ADAD1: variants seen among roughly 807,000 people sequenced by gnomAD.
The protein encoded by ADAD1 is adenosine deaminase domain-containing protein 1.
A neutral mutation model predicts 66.8 loss-of-function variants in ADAD1; 46 were observed. The observed-to-expected ratio is 0.69, with a 90% CI of 0.54 to 0.88. The LOEUF is 0.88. ADAD1 is among the 40% of genes least tolerant of loss of function. The probability of loss-of-function intolerance (pLI) is 0.00; values close to 1 mark genes in which losing one functional copy is unlikely to be tolerated. For missense variants in ADAD1, 617 were observed against 681.8 expected (o/e 0.91, Z 1.06); for synonymous variants, 248 against 229.4 (o/e 1.08, Z -0.73).
chr4:122,389,415 G>T (rs1795331673), intron 5 of ADAD1, among the ~76,000 whole-genome samples: 1 of 152,172 alleles, frequency 6.6e-6, no homozygotes, highest in Non-Finnish European at 1.5e-5. Context: ...GAATATGCTT[G>T]TTAATTATCT....
rs28716815 is a variant in ADAD1 at position 122,398,086 on chromosome 4, C to G, written c.724+1709C>G. 7.2e-3 allele frequency among the ~76,000 whole-genome samples: 1,092 copies of G among 152,008 alleles called. 9 individuals carry two copies. The highest frequency in any genetic ancestry group is 0.025 in the African/African-American group (1,037 of 41,430). On this transcript the variant is annotated intron_variant, in intron 7 of 12. Coordinates refer to ENST00000296513, the MANE Select transcript of ADAD1 (RefSeq NM_139243.4). ...GGCGATTTCTGAGATTTTGGTGCAC[C>G]CATGACACAAGCAGTCTATGCTGTA...
chr4:122,384,231 A>G (rs971277667), intron 5 of ADAD1, among the ~76,000 whole-genome samples: 4 of 152,234 alleles, frequency 2.6e-5, no homozygotes, highest in African/African-American at 7.2e-5. Flanking sequence ...GTCCTAAAAT[A>G]TAGTTTTCTT....
chr4:122,405,105 A>G (rs1391379879), intron 7 of ADAD1, among the ~76,000 whole-genome samples: 3 of 152,218 alleles, frequency 2.0e-5, no homozygotes, highest in Admixed American at 1.3e-4. Context: ...ATATAATTCT[A>G]TTTAAGGGAA....
At chr4:122,420,145 A>C (rs1013487294) in intron 11 of ADAD1, among the ~76,000 whole-genome samples, 1 of 152,228 alleles carries the variant, frequency 6.6e-6, no homozygotes, top group Non-Finnish European at 1.5e-5. Context: ...CACTGCAACA[A>C]AAGTGTCATG....
At chr4:122,387,904 C>T (rs1028244032) in intron 5 of ADAD1, among the ~76,000 whole-genome samples, 1 of 151,884 alleles carries the variant, frequency 6.6e-6, no homozygotes, top group Non-Finnish European at 1.5e-5. Context: ...GGACTACAGG[C>T]ACCTGCCACC....
At chr4:122,410,042 A>C (rs914220688) in intron 8 of ADAD1, among the ~76,000 whole-genome samples, 1 of 152,202 alleles carries the variant, frequency 6.6e-6, no homozygotes, top group African/African-American at 2.4e-5. Flanking sequence ...ATTCAGCTTC[A>C]ACAGTTATTA....
At chr4:122,427,904 C>A (rs1361884696) in intron 12 of ADAD1, among the ~76,000 whole-genome samples, 2 of 152,040 alleles carry the variant, frequency 1.3e-5, no homozygotes, top group African/African-American at 4.8e-5. Context: ...TCAAAACTTA[C>A]AATAAGGCTA....
At chr4:122,384,042 A>G in intron 5 of ADAD1, 76 bp downstream of exon 5, 2 of 1,317,448 alleles carry the variant, frequency 1.5e-6, no homozygotes, top group Non-Finnish European at 2.1e-6. Context: ...ATTTATGTTA[A>G]TGAGAGTTAC....
intron 6 of ADAD1, among the ~76,000 whole-genome samples, chr4:122,395,073 G>A (rs1247157456): frequency 6.6e-6 from 1 of 151,976 alleles, no homozygotes; most frequent in Non-Finnish European, 1.5e-5. Context: ...TATTTGAGGT[G>A]GAGTTTTGCT....
chr4:122,426,308 C>CA (rs1190651105), intron 12 of ADAD1, among the ~76,000 whole-genome samples: 3 of 152,020 alleles, frequency 2.0e-5, no homozygotes, highest in African/African-American at 7.2e-5. Flanking sequence ...ATAGAATATC[C>CA]AAATAGAACT....
intron 10 of ADAD1, 50 bp downstream of exon 10, chr4:122,412,859 C>G (rs757988864): frequency 6.8e-7 from 1 of 1,471,420 alleles, no homozygotes; most frequent in East Asian, 2.3e-5. Context: ...TAAGCAAATT[C>G]TCTGTATTTT....
At chr4:122,409,580 A>G (rs1240653356) in intron 8 of ADAD1, among the ~76,000 whole-genome samples, 1 of 152,102 alleles carries the variant, frequency 6.6e-6, no homozygotes, top group African/African-American at 2.4e-5. Context: ...TAAATTATTG[A>G]CTATTGTCAT....
intron 11 of ADAD1, among the ~76,000 whole-genome samples, chr4:122,415,930 A>G (rs1337724573): frequency 1.3e-5 from 2 of 152,140 alleles, no homozygotes; most frequent in Non-Finnish European, 2.9e-5. Flanking sequence ...CTGTAATTTC[A>G]TATCATTAGT....
intron 6 of ADAD1, among the ~76,000 whole-genome samples, chr4:122,395,450 A>G (rs1403060158): frequency 2.0e-5 from 3 of 152,018 alleles, no homozygotes; most frequent in Admixed American, 6.5e-5. Context: ...TGTGAGGCCA[A>G]GGCGGGTGGA....
Position 122,396,347 on chromosome 4 carries a change from A to T in ADAD1, c.694A>T (p.Ser232Cys). 1 of 1,594,834 alleles carries T rather than the reference A, an allele frequency of 6.3e-7. No homozygotes were observed. Among genetic ancestry groups the T allele is most frequent in the Admixed American group, 1.8e-5 (1 of 56,934 alleles). Residue 232 changes from serine to cysteine, a missense_variant, in exon 7 of 13, where the codon AGT (serine) becomes TGT (cysteine). Transcript: ENST00000296513. ...SNRSEYLKYSSSLAAFIIERA... is the reference protein window; with the variant it reads ...SNRSEYLKYSCSLAAFIIERA... ...TCGTTCAGAATACCTGAAATATAGC[A>T]GTTCATTGGCTGCTTTTATAATTGA...
At chr4:122,401,666 T>G (rs1795985202) in intron 7 of ADAD1, among the ~76,000 whole-genome samples, 1 of 152,160 alleles carries the variant, frequency 6.6e-6, no homozygotes, top group Non-Finnish European at 1.5e-5. Context: ...TTTATAAATT[T>G]GTGAGCTCCA....
chr4:122,421,991 T>TTA (rs1331574609), intron 12 of ADAD1, among the ~76,000 whole-genome samples: 2 of 152,154 alleles, frequency 1.3e-5, no homozygotes, highest in Non-Finnish European at 2.9e-5. Flanking sequence ...AGTCTTTTAA[T>TTA]GTGAGCATGT....
chr4:122,379,205 G>A (rs1053552428), intron 1 of ADAD1, 90 bp downstream of exon 1: 1 of 152,382 alleles, frequency 6.6e-6, no homozygotes, highest in Non-Finnish European at 1.5e-5. Flanking sequence ...ACAGTGCTCT[G>A]TCAGGGCTGT....
At chr4:122,387,944 A>G (rs1795254639) in intron 5 of ADAD1, among the ~76,000 whole-genome samples, 1 of 151,986 alleles carries the variant, frequency 6.6e-6, no homozygotes, top group Non-Finnish European at 1.5e-5. Context: ...TATTTTTAGT[A>G]GAAACAGGGT....
Sources: gnomAD v4.1 joint callset for allele counts (sites outside exome capture counted in the v4.1 genomes callset) on GRCh38, gnomAD v4.1.1 for gene constraint, MANE v1.5 for transcripts, NCBI Gene and HGNC (gene_info 2026-07-23, HGNC 2026-07-21) for gene names.